TVP23B: variants seen among roughly 807,000 people sequenced by gnomAD.
The protein encoded by TVP23B is Golgi apparatus membrane protein TVP23 homolog B.
TVP23B carries 10 observed loss-of-function variants against 30.6 expected under a neutral mutation model. The observed-to-expected ratio is 0.33, with a 90% CI of 0.20 to 0.55. The LOEUF (loss-of-function observed/expected upper bound fraction) is 0.55. Among genes scored for constraint, TVP23B ranks in the 20% least tolerant of loss-of-function variants. TVP23B has a pLI of 0.91. For missense variants in TVP23B, 153 were observed against 243.2 expected, an observed-to-expected ratio of 0.63 and a Z score of 2.47; for synonymous variants, 67 against 83.1, an observed-to-expected ratio of 0.81 and a Z score of 1.06.
chr17:18,794,282 T>C (rs529655675), intron 3 of TVP23B, among the ~76,000 whole-genome samples: 1 of 152,298 alleles, frequency 6.6e-6, no homozygotes, highest in African/African-American at 2.4e-5. Context: ...TTTACAAAAA[T>C]TGACTAAATA....
In TVP23B at chr17:18,781,185, T is replaced by A; in HGVS notation, c.-109T>A. On this transcript the variant is annotated 5_prime_UTR_variant, in exon 1 of 7. Coordinates refer to ENST00000307767, the MANE Select transcript of TVP23B (RefSeq NM_016078.6). ...GGAAGTGAGGCCGGACTGAGGCTCT[T>A]ACAGTGGTCCCTGCTGGCCCTTGGT... 1 of 1,513,140 alleles carries A rather than the reference T, an allele frequency of 6.6e-7. No individual in the cohort carries two copies. Among genetic ancestry groups the A allele is most frequent in the South Asian group, 1.2e-5 (1 of 81,420 alleles). The allele number at this position is 1,513,140 out of a possible 1,614,324, so 93.7% of individuals were successfully genotyped here. A position where few individuals can be genotyped will look rare whatever the true frequency, so the allele number is the denominator to read the frequency against.
At position 18,790,947 on chromosome 17, in the gene TVP23B, C is replaced by T. The variant is rs779490008; in HGVS notation, c.147C>T (p.Ile49=). 10 of 1,613,134 alleles carry T rather than the reference C, an allele frequency of 6.2e-6. No homozygotes were observed. The highest frequency in any genetic ancestry group is 4.4e-5 in the South Asian group (4 of 90,830). Residue 49 remains isoleucine (I), a synonymous_variant, in exon 3 of 7, where the codon ATC becomes ATT. Coordinates refer to ENST00000307767, the MANE Select transcript of TVP23B (RefSeq NM_016078.6). ...TATTCTTTCGAGTCAGTGCAATCAT[C>T]GTCTATCTTCTCTGTGGGTTGCTCA... ...FHLFFRVSAI[I]VYLLCGLLSS... is the part of the protein sequence containing the mutation.
chr17:18,785,340 T>TC (rs1389723151), intron 1 of TVP23B, among the ~76,000 whole-genome samples: 1 of 151,708 alleles, frequency 6.6e-6, no homozygotes, highest in African/African-American at 2.4e-5. Context: ...TCCGTGGTCT[T>TC]CCCCATCTTA....
intron 3 of TVP23B, among the ~76,000 whole-genome samples, chr17:18,792,749 C>T (rs1253884613): frequency 4.6e-5 from 7 of 152,016 alleles, no homozygotes; most frequent in Admixed American, 3.9e-4. Flanking sequence ...ACCCTTTTAT[C>T]CTTGGCAAAA....
chr17:18,790,713 T>C (rs2035979378), intron 2 of TVP23B, among the ~76,000 whole-genome samples, 183 bp from the exon 3 acceptor site: 1 of 152,188 alleles, frequency 6.6e-6, no homozygotes, highest in African/African-American at 2.4e-5. Flanking sequence ...CTACAGGGCC[T>C]AGTCAAATAG....
At chr17:18,804,357 T>C in intron 6 of TVP23B, 91 bp downstream of exon 6, 2 of 1,434,846 alleles carry the variant, frequency 1.4e-6, no homozygotes, top group Non-Finnish European at 1.9e-6. Flanking sequence ...AACAGAAGTT[T>C]TAAAGGCATA....
At chr17:18,805,078 CTTTTTT>C (rs71155360) in intron 6 of TVP23B, among the ~76,000 whole-genome samples, 1 of 108,722 alleles carries the variant, frequency 9.2e-6, no homozygotes, top group Non-Finnish European at 1.9e-5. Flanking sequence ...GTGACTAGGT[CTTTTTT>C]TTTTTTTTTT....
intron 3 of TVP23B, among the ~76,000 whole-genome samples, chr17:18,794,709 T>C (rs1162820092): frequency 6.6e-6 from 1 of 151,464 alleles, no homozygotes; most frequent in African/African-American, 2.4e-5. Context: ...TTTGAAAGTA[T>C]TCTGAGAGCA....
At chr17:18,782,997 G>T (rs1313678537) in intron 1 of TVP23B, among the ~76,000 whole-genome samples, 1 of 149,740 alleles carries the variant, frequency 6.7e-6, no homozygotes, top group Non-Finnish European at 1.5e-5. Context: ...AGTTGTTCAG[G>T]TTCACATGCT....
intron 3 of TVP23B, among the ~76,000 whole-genome samples, chr17:18,791,536 G>A (rs1219672681): frequency 1.3e-5 from 2 of 152,080 alleles, no homozygotes; most frequent in Non-Finnish European, 2.9e-5. Flanking sequence ...GCCACCCACT[G>A]AATATTTGTC....
At chr17:18,788,759 G>A (rs1440133539) in intron 1 of TVP23B, among the ~76,000 whole-genome samples, 1 of 152,184 alleles carries the variant, frequency 6.6e-6, no homozygotes, top group African/African-American at 2.4e-5. Context: ...TCCAGCCTGG[G>A]TGATGAGCAA....
At chr17:18,794,672 GAGTT>G (rs1407691534) in intron 3 of TVP23B, among the ~76,000 whole-genome samples, 2 of 151,964 alleles carry the variant, frequency 1.3e-5, no homozygotes, top group Non-Finnish European at 1.5e-5. Context: ...AGGAAATAAA[GAGTT>G]AGAAAATGGG....
At chr17:18,793,223 T>C (rs1276579064) in intron 3 of TVP23B, among the ~76,000 whole-genome samples, 1 of 152,120 alleles carries the variant, frequency 6.6e-6, no homozygotes, top group Non-Finnish European at 1.5e-5. Context: ...TTTAAAGGTA[T>C]GCTTAAATGC....
intron 5 of TVP23B, among the ~76,000 whole-genome samples, chr17:18,803,626 A>G (rs2036202096): frequency 6.6e-6 from 1 of 152,266 alleles, no homozygotes; most frequent in Non-Finnish European, 1.5e-5. Flanking sequence ...GAAGGCAGGC[A>G]TCGGTTGATT....
intron 6 of TVP23B, among the ~76,000 whole-genome samples, chr17:18,804,921 A>G (rs2036224864): frequency 6.6e-6 from 1 of 151,830 alleles, no homozygotes; most frequent in Admixed American, 6.6e-5. Context: ...GAACAGTTGA[A>G]TCACAAGAAG....
chr17:18,799,860 C>T (rs954616335), intron 5 of TVP23B, among the ~76,000 whole-genome samples: 7 of 151,926 alleles, frequency 4.6e-5, no homozygotes, highest in African/African-American at 9.7e-5. Context: ...TCCTATTTTG[C>T]GATATAGATT....
intron 1 of TVP23B, among the ~76,000 whole-genome samples, chr17:18,785,428 C>T (rs1351089154): frequency 6.8e-6 from 1 of 146,798 alleles, no homozygotes; most frequent in Non-Finnish European, 1.5e-5. Context: ...TACAGCAGTA[C>T]CTGGCACTTG....
At chr17:18,782,679 G>T (rs559867296) in intron 1 of TVP23B, 1 of 152,228 alleles carries the variant, frequency 6.6e-6, no homozygotes, top group East Asian at 1.9e-4. Flanking sequence ...GTTAACAAGG[G>T]GTGGATTATT....
chr17:18,784,919 G>T (rs1263614866), intron 1 of TVP23B, among the ~76,000 whole-genome samples: 1 of 152,124 alleles, frequency 6.6e-6, no homozygotes, highest in African/African-American at 2.4e-5. Flanking sequence ...AAAAACTTTG[G>T]AATCTTCCTT....
Sources: gnomAD v4.1 joint callset for allele counts (sites outside exome capture counted in the v4.1 genomes callset) on GRCh38, gnomAD v4.1.1 for gene constraint, MANE v1.5 for transcripts, NCBI Gene and HGNC (gene_info 2026-07-23, HGNC 2026-07-21) for gene names.